The following HECW1 variants were observed in gnomAD, a reference collection of about 807,000 sequenced individuals.
The protein encoded by HECW1 is HECT, C2 and WW domain containing E3 ubiquitin protein ligase 1.
In HECW1, 61 loss-of-function variants were observed where a neutral mutation model predicts 182.3. That is an observed-to-expected ratio of 0.33 (90% CI 0.27 to 0.41). HECW1 has a LOEUF of 0.41. HECW1 is among the 10% of genes least tolerant of loss of function. The pLI, the probability that HECW1 is intolerant of heterozygous loss-of-function variation, is 1.00. For synonymous variants in HECW1, 859 were observed against 832.6 expected (o/e 1.03, Z -0.55); for missense variants, 1,739 against 2,108.9 (o/e 0.82, Z 3.44).
At chr7:43,222,969 A>G (rs1231883506) in intron 2 of HECW1, among the ~76,000 whole-genome samples, 1 of 152,038 alleles carries the variant, frequency 6.6e-6, no homozygotes, top group East Asian at 1.9e-4. Context: ...TTTTTCTATC[A>G]CCACTTGGAT....
Position 43,488,480 on chromosome 7 carries a change from G to GA in HECW1, c.3235-3592dup, listed in dbSNP as rs796672471. On this transcript the variant is annotated intron_variant, in intron 17 of 29. Coordinates refer to ENST00000395891, the MANE Select transcript of HECW1 (RefSeq NM_015052.5). ...AGAAAGAAAGAAAGAAAGAAAGAAA[G>GA]AAAGAAAGAGAAAGAAAGAAAGAAA... 2.0e-4 allele frequency among the ~76,000 whole-genome samples: 29 copies of GA among 147,778 alleles called. 1 individual carries two copies. The highest frequency in any genetic ancestry group is 7.3e-4 in the African/African-American group (28 of 38,572).
intron 3 of HECW1, among the ~76,000 whole-genome samples, chr7:43,286,813 T>C (rs1197439083): frequency 6.6e-6 from 1 of 152,202 alleles, no homozygotes; most frequent in Non-Finnish European, 1.5e-5. Flanking sequence ...GGAAGCTCCA[T>C]ATGCTACATG....
At chr7:43,347,587 T>G (rs1813850437) in intron 5 of HECW1, among the ~76,000 whole-genome samples, 1 of 152,148 alleles carries the variant, frequency 6.6e-6, no homozygotes, top group South Asian at 2.1e-4. Context: ...AGAGTGGTCA[T>G]CCTTGTTTTA....
intron 5 of HECW1, among the ~76,000 whole-genome samples, chr7:43,324,154 T>C (rs1315474687): frequency 1.3e-5 from 2 of 152,236 alleles, no homozygotes; most frequent in Admixed American, 1.3e-4. Context: ...GTCCACAATA[T>C]ACCTGTTGGA....
chr7:43,457,813 A>T (rs1432541252), intron 13 of HECW1, among the ~76,000 whole-genome samples: 1 of 152,064 alleles, frequency 6.6e-6, no homozygotes, highest in African/African-American at 2.4e-5. Flanking sequence ...GAAACAAAAA[A>T]ATAAAAATGA....
chr7:43,327,620 G>A (rs969836487), intron 5 of HECW1, among the ~76,000 whole-genome samples: 6 of 151,972 alleles, frequency 3.9e-5, no homozygotes, highest in East Asian at 1.9e-4. Context: ...TCTTCCCTTC[G>A]TTATTTCCTT....
chr7:43,519,102 G>C (rs1188076513), intron 24 of HECW1, among the ~76,000 whole-genome samples: 1 of 152,136 alleles, frequency 6.6e-6, no homozygotes, highest in Admixed American at 6.5e-5. Context: ...TTTTTGCAAA[G>C]GCTCAACATG....
At chr7:43,233,062 TAG>T (rs1477820794) in intron 2 of HECW1, among the ~76,000 whole-genome samples, 1 of 152,174 alleles carries the variant, frequency 6.6e-6, no homozygotes, top group African/African-American at 2.4e-5. Context: ...GACTGACATA[TAG>T]AGACTGGATC....
chr7:43,466,714 C>A, intron 15 of HECW1, 146 bp downstream of exon 15: 3 of 960,320 alleles, frequency 3.1e-6, no homozygotes, highest in Non-Finnish European at 4.4e-6. Flanking sequence ...ACTCTTTTGA[C>A]TATCCGTGAG....
At chr7:43,350,806 G>A (rs892017553) in intron 5 of HECW1, among the ~76,000 whole-genome samples, 3 of 152,064 alleles carry the variant, frequency 2.0e-5, no homozygotes, top group South Asian at 2.1e-4. Context: ...ATTGGGCTTC[G>A]CCCTTCTGTG....
intron 5 of HECW1, among the ~76,000 whole-genome samples, chr7:43,336,124 T>TCTCTCTC (rs1812181848): frequency 7.8e-5 from 5 of 64,304 alleles, no homozygotes; most frequent in South Asian, 6.0e-4. Context: ...CTTTCTTTCT[T>TCTCTCTC]TCTCTCTCTC....
chr7:43,117,095 T>C (rs1785112944), intron 2 of HECW1, among the ~76,000 whole-genome samples: 1 of 152,226 alleles, frequency 6.6e-6, no homozygotes, highest in Admixed American at 6.5e-5. Context: ...AAATTTACTA[T>C]ATTAAGGGGA....
At chr7:43,118,004 A>G (rs1785209668) in intron 2 of HECW1, 1 of 152,726 alleles carries the variant, frequency 6.5e-6, no homozygotes, top group East Asian at 1.9e-4. Flanking sequence ...TCAGGCATCT[A>G]TGCATGTGAT....
intron 13 of HECW1, among the ~76,000 whole-genome samples, chr7:43,457,495 G>T (rs111812037): frequency 1.3e-5 from 2 of 152,174 alleles, no homozygotes; most frequent in Non-Finnish European, 2.9e-5. Flanking sequence ...ACATGGGGCC[G>T]GGTGCAGTGG....
chr7:43,251,947 G>A (rs1328956895), intron 3 of HECW1, among the ~76,000 whole-genome samples: 2 of 152,180 alleles, frequency 1.3e-5, no homozygotes, highest in Non-Finnish European at 2.9e-5. Context: ...GCTGGACCCA[G>A]TGCTCTGGGG....
At chr7:43,217,320 T>C (rs1463742414) in intron 2 of HECW1, among the ~76,000 whole-genome samples, 1 of 152,234 alleles carries the variant, frequency 6.6e-6, no homozygotes, top group Non-Finnish European at 1.5e-5. Flanking sequence ...CAGTTAGCTA[T>C]GTATAAAATA....
intron 8 of HECW1, among the ~76,000 whole-genome samples, chr7:43,425,304 T>TGATAGACAGATAGATA (rs2076325350): frequency 6.7e-6 from 1 of 148,246 alleles, no homozygotes; most frequent in African/African-American, 2.5e-5. Flanking sequence ...GATAGATAGA[T>TGATAGACAGATAGATA]GATAGATAGA....
rs547861285 is a variant in HECW1 at position 43,488,482 on chromosome 7, A to G, written c.3235-3593A>G. Among the ~76,000 whole-genome samples, 17 of 148,030 alleles carry G rather than the reference A, an allele frequency of 1.1e-4. No homozygotes were observed. The East Asian group carries it at 2.9e-3, about 25-fold the overall frequency. On this transcript the variant is annotated intron_variant, in intron 17 of 29. Transcript: ENST00000395891. ...AAAGAAAGAAAGAAAGAAAGAAAGAAAGAAAGAGAAAGAAAGAAAGAAAAG... is the reference window on the plus strand; with the variant it reads ...AAAGAAAGAAAGAAAGAAAGAAAGAGAGAAAGAGAAAGAAAGAAAGAAAAG...
intron 2 of HECW1, among the ~76,000 whole-genome samples, chr7:43,152,068 A>G (rs1789391449): frequency 6.6e-6 from 1 of 152,244 alleles, no homozygotes; most frequent in Non-Finnish European, 1.5e-5. Context: ...CCTGATGACA[A>G]AGGAGCAAGA....
Sources: allele counts gnomAD v4.1 joint callset (sites outside exome capture counted in the v4.1 genomes callset), GRCh38; gene constraint gnomAD v4.1.1; transcripts MANE v1.5; gene names NCBI Gene and HGNC (gene_info 2026-07-23, HGNC 2026-07-21).